BACE2: variants seen among roughly 807,000 people sequenced by gnomAD.
BACE2 encodes 56 kDa aspartic-like protease.
Under a neutral mutation model 46.2 loss-of-function variants are expected in BACE2, and 17 were observed. The observed-to-expected ratio is 0.37, with a 90% CI of 0.25 to 0.55. The LOEUF (loss-of-function observed/expected upper bound fraction) is 0.55, where lower values mean the gene tolerates loss of function less well. Ranked by LOEUF, BACE2 falls within the 20% of genes least tolerant of loss-of-function variation. The probability of loss-of-function intolerance (pLI) is 0.82; values close to 1 mark genes in which losing one functional copy is unlikely to be tolerated. For missense variants in BACE2, 595 were observed against 698.1 expected, an observed-to-expected ratio of 0.85 and a Z score of 1.66; for synonymous variants, 277 against 295.9, an observed-to-expected ratio of 0.94 and a Z score of 0.66.
intron 8 of BACE2, among the ~76,000 whole-genome samples, chr21:41,264,603 A>G (rs79003601): frequency 0.018 from 2,672 of 152,088 alleles, 89 homozygotes; most frequent in African/African-American, 0.061. Context: ...AGAGAGAGAG[A>G]GGGGAAGGTG....
intron 1 of BACE2, among the ~76,000 whole-genome samples, chr21:41,202,424 C>T (rs193289957): frequency 2.0e-5 from 3 of 152,306 alleles, no homozygotes; most frequent in Non-Finnish European, 4.4e-5. Flanking sequence ...AAGCTGCCAG[C>T]CAGGTGGAAG....
chr21:41,174,255 G>A (rs183295812), intron 1 of BACE2, among the ~76,000 whole-genome samples: 3 of 148,562 alleles, frequency 2.0e-5, no homozygotes, highest in Non-Finnish European at 4.4e-5. Flanking sequence ...CGATTCTTCT[G>A]CCTCAGCCTC....
At chr21:41,253,214 G>A (rs1473872908) in intron 7 of BACE2, among the ~76,000 whole-genome samples, 3 of 152,024 alleles carry the variant, frequency 2.0e-5, no homozygotes, top group Admixed American at 1.3e-4. Context: ...GGCTGAGGAG[G>A]GTGAATCACG....
chr21:41,216,099 A>G (rs750050472), intron 1 of BACE2, among the ~76,000 whole-genome samples: 1 of 152,054 alleles, frequency 6.6e-6, no homozygotes, highest in African/African-American at 2.4e-5. Context: ...TTTATAGAGC[A>G]GGTGGCATTA....
intron 1 of BACE2, among the ~76,000 whole-genome samples, chr21:41,170,289 G>A (rs896884548): frequency 4.6e-5 from 7 of 152,020 alleles, no homozygotes; most frequent in African/African-American, 1.7e-4. Context: ...AAATGATGAG[G>A]TTTAATTAAT....
intron 1 of BACE2, among the ~76,000 whole-genome samples, chr21:41,210,040 C>T (rs576623748): frequency 6.6e-6 from 1 of 152,160 alleles, no homozygotes; most frequent in Non-Finnish European, 1.5e-5. Context: ...GAGGTTTCAG[C>T]TGCAGAGGTA....
chr21:41,221,130 C>A (rs1400940695), intron 1 of BACE2, among the ~76,000 whole-genome samples: 1 of 151,872 alleles, frequency 6.6e-6, no homozygotes, highest in African/African-American at 2.4e-5. Context: ...TGTTTCCCTA[C>A]CATTCCTACA....
chr21:41,241,895 T>C lies in BACE2; in HGVS notation c.695T>C (p.Met232Thr), dbSNP rs773077427. The change falls in exon 4 of 9, where the codon ATG (methionine) becomes ACG (threonine). Residue 232 changes from methionine (M) to threonine (T), a missense_variant. By Grantham distance (81) the Met-to-Thr change is moderately conservative. Around this residue, in one of 3 missense-constraint regions of BACE2, gnomAD observed 343 missense variants for 419.4 expected, o/e 0.82. Transcript: ENST00000330333. ...ANIPNVFSMQ[M>T]CGAGLPVAGS... ...ATCCCCAACGTTTTCTCCATGCAGA[T>C]GTGTGGAGCCGGCTTGCCCGTTGCT... 18 of 1,614,114 alleles carry C rather than the reference T, an allele frequency of 1.1e-5. No individual in the cohort carries two copies. Among genetic ancestry groups the C allele is most frequent in the Non-Finnish European group, 1.5e-5 (18 of 1,179,990 alleles).
At chr21:41,237,799 G>A (rs1987170099) in intron 3 of BACE2, 70 bp downstream of exon 3, 2 of 1,291,668 alleles carry the variant, frequency 1.5e-6, no homozygotes, top group Admixed American at 1.7e-5. Context: ...TCATTAAAGG[G>A]CTGACACATG....
chr21:41,218,719 A>G (rs1300876749), intron 1 of BACE2, among the ~76,000 whole-genome samples: 1 of 152,230 alleles, frequency 6.6e-6, no homozygotes, highest in Non-Finnish European at 1.5e-5. Context: ...AATAAAAAAT[A>G]TTGGCAGGTA....
intron 1 of BACE2, among the ~76,000 whole-genome samples, chr21:41,189,769 GAGAT>G: frequency 6.6e-6 from 1 of 152,308 alleles, no homozygotes; most frequent in South Asian, 2.1e-4. Context: ...AACAGAATAG[GAGAT>G]AGATATAGAT....
chr21:41,257,201 G>A lies in BACE2; in HGVS notation c.1178G>A (p.Cys393Tyr), dbSNP rs2123628850. 2 of 1,614,208 alleles carry A rather than the reference G, an allele frequency of 1.2e-6. No homozygotes were observed. The highest frequency in any genetic ancestry group is 2.2e-5 in the East Asian group (1 of 44,892). Residue 393 changes from cysteine to tyrosine, a missense_variant, in exon 8 of 9, where the codon TGT (cysteine) becomes TAT (tyrosine). This residue lies in a region of BACE2 where 343 missense variants were observed against 419.4 expected (regional missense o/e 0.82). Coordinates refer to ENST00000330333, the MANE Select transcript of BACE2 (RefSeq NM_012105.5). ...ATGGGGGCCGGCCTGAATTATGAAT[G>A]TTACCGATTCGGCATTTCCCCATCC... ...PMMGAGLNYE[C>Y]YRFGISPSTN...
intron 1 of BACE2, among the ~76,000 whole-genome samples, chr21:41,169,180 C>G (rs1984504649): frequency 6.6e-6 from 1 of 152,010 alleles, no homozygotes; most frequent in South Asian, 2.1e-4. Flanking sequence ...TTTCCTTTCT[C>G]GGAGTTGGTT....
intron 1 of BACE2, among the ~76,000 whole-genome samples, chr21:41,174,246 G>T: frequency 1.3e-5 from 2 of 148,268 alleles, no homozygotes; most frequent in East Asian, 2.1e-4. Flanking sequence ...AGGTTCAAGC[G>T]ATTCTTCTGC....
intron 1 of BACE2, among the ~76,000 whole-genome samples, chr21:41,192,886 G>T (rs1460733029): frequency 2.0e-5 from 3 of 152,242 alleles, no homozygotes; most frequent in Non-Finnish European, 4.4e-5. Context: ...TTGTAGGAGG[G>T]ACTAAATGCA....
chr21:41,239,667 G>A lies in BACE2; in HGVS notation c.618+1938G>A, dbSNP rs115699791. On this transcript the variant is annotated intron_variant, in intron 3 of 8. Transcript: ENST00000330333. ...TGTTGGGATTGTGGCATGAGCCACC[G>A]TGCCTGGCCTTATTCCCCCCATTTT... Among the ~76,000 whole-genome samples the A allele has an allele frequency of 9.1e-3, 1,381 of 152,268 alleles. 25 individuals carry two copies. The highest frequency in any genetic ancestry group is 0.031 in the African/African-American group (1,287 of 41,550).
At chr21:41,234,425 T>A (rs1568879468) in intron 2 of BACE2, among the ~76,000 whole-genome samples, 1 of 152,248 alleles carries the variant, frequency 6.6e-6, no homozygotes, top group African/African-American at 2.4e-5. Context: ...AATAAAGTTC[T>A]ATCAGAACAC....
At chr21:41,202,127 T>C (rs1985984372) in intron 1 of BACE2, among the ~76,000 whole-genome samples, 1 of 152,258 alleles carries the variant, frequency 6.6e-6, no homozygotes, top group South Asian at 2.1e-4. Context: ...TTGTGCTAAA[T>C]GATCAGGCAT....
chr21:41,274,334 C>T (rs1233405509), intron 8 of BACE2, among the ~76,000 whole-genome samples: 3 of 152,008 alleles, frequency 2.0e-5, no homozygotes, highest in African/African-American at 4.8e-5. Flanking sequence ...AGGTCATTAT[C>T]GCATTGTTAT....
Sources: allele counts gnomAD v4.1 joint callset (sites outside exome capture counted in the v4.1 genomes callset), GRCh38; gene constraint gnomAD v4.1.1; regional missense constraint gnomAD v4.1.1; transcripts MANE v1.5; gene names NCBI Gene and HGNC (gene_info 2026-07-23, HGNC 2026-07-21).